The following DPP10 variants were observed in gnomAD, a reference collection of about 807,000 sequenced individuals.
DPP10 encodes dipeptidyl peptidase like 10.
A neutral mutation model predicts 120.9 loss-of-function variants in DPP10; 33 were observed. The observed-to-expected ratio is 0.27, with a 90% CI of 0.21 to 0.37. The LOEUF (loss-of-function observed/expected upper bound fraction) is 0.37, where lower values mean the gene tolerates loss of function less well. Ranked by LOEUF, DPP10 falls within the 10% of genes least tolerant of loss-of-function variation. The pLI is 1.00. For missense variants in DPP10, 816 were observed against 942.8 expected (o/e 0.87, Z 1.76); for synonymous variants, 337 against 326.1 (o/e 1.03, Z -0.36).
intron 1 of DPP10, among the ~76,000 whole-genome samples, chr2:114,671,667 C>T (rs1192446822): frequency 6.6e-6 from 1 of 152,110 alleles, no homozygotes; most frequent in Non-Finnish European, 1.5e-5. Context: ...GAATTACTAT[C>T]TCTGTATCTT....
rs558353376 is a variant in DPP10, at chr2:115,424,903, T to G, written c.272-74607T>G. ...TGATTAATCGTCTGTAGAAAGGGAT[T>G]GTGTTGAGTCTGCACTAATGGGTAC... On this transcript the variant is annotated intron_variant, in intron 3 of 25. Transcript: ENST00000410059. 5.9e-5 allele frequency among the ~76,000 whole-genome samples: 9 copies of G among 152,326 alleles called. No homozygotes were observed. In the East Asian group the frequency reaches 1.5e-3, roughly 26 times the overall value.
At chr2:114,733,622 A>G (rs1182535175) in intron 1 of DPP10, among the ~76,000 whole-genome samples, 5 of 152,166 alleles carry the variant, frequency 3.3e-5, no homozygotes, top group Non-Finnish European at 5.9e-5. Context: ...ACAGATAGAG[A>G]GGAGAAAAGT....
At position 115,309,734 on chromosome 2, in the gene DPP10, A is replaced by G. The variant is rs548581037; in HGVS notation, c.175+381A>G. 9.9e-5 allele frequency among the ~76,000 whole-genome samples: 15 copies of G among 152,196 alleles called. No homozygotes were observed. The East Asian group carries it at 1.2e-3, about 12-fold the overall frequency. ...TATATATAGATGATAACCCAACTGT[A>G]TGGAAATGGAAAGACAGGATTTGAT... On this transcript the variant is annotated intron_variant, in intron 2 of 25. Transcript: ENST00000410059.
At chr2:115,332,457 C>T (rs374691013) in intron 2 of DPP10, among the ~76,000 whole-genome samples, 6 of 151,966 alleles carry the variant, frequency 3.9e-5, no homozygotes, top group East Asian at 3.9e-4. Flanking sequence ...TATTTCTTGC[C>T]GTCTGCTAGC....
intron 1 of DPP10, among the ~76,000 whole-genome samples, chr2:114,663,668 T>TATATATATATATAGAGAGAGAGAGAGAG: frequency 1.5e-4 from 12 of 80,708 alleles, no homozygotes; most frequent in African/African-American, 1.1e-3. Context: ...TATATATATA[T>TATATATATATATAGAGAGAGAGAGAGAG]AGAGAGAGAG....
intron 1 of DPP10, among the ~76,000 whole-genome samples, chr2:114,870,355 A>C (rs1261120290): frequency 6.6e-6 from 1 of 152,214 alleles, no homozygotes; most frequent in East Asian, 1.9e-4. Context: ...ACCTGGAGGA[A>C]ATATTCAATG....
At position 114,490,576 on chromosome 2, in the gene DPP10, C is replaced by G. The variant is rs566242957; in HGVS notation, c.60+47738C>G. On this transcript the variant is annotated intron_variant, in intron 1 of 25. Coordinates refer to ENST00000410059, the MANE Select transcript of DPP10 (RefSeq NM_020868.6). ...GCCACCGGTGTAGACTGGAGGCAGC[C>G]GAGAAAGACTTTGTGGAGGAGGCAA... Among the ~76,000 whole-genome samples, 195 of 151,978 alleles carry G rather than the reference C, an allele frequency of 1.3e-3. 1 individual carries two copies. The highest frequency in any genetic ancestry group is 2.2e-3 in the Non-Finnish European group (147 of 67,968).
At chr2:114,799,050 A>G (rs140181631) in intron 1 of DPP10, among the ~76,000 whole-genome samples, 7 of 152,218 alleles carry the variant, frequency 4.6e-5, no homozygotes, top group African/African-American at 7.2e-5. Flanking sequence ...AATCGCTTGA[A>G]CCTGAGAGGC....
intron 3 of DPP10, among the ~76,000 whole-genome samples, chr2:115,486,293 C>G (rs1286235281): frequency 3.3e-5 from 5 of 152,232 alleles, no homozygotes; most frequent in Admixed American, 1.3e-4. Context: ...TCTGTCCATT[C>G]AACTGAAATG....
intron 3 of DPP10, among the ~76,000 whole-genome samples, chr2:115,440,517 C>T (rs1232530570): frequency 1.3e-5 from 2 of 152,156 alleles, no homozygotes; most frequent in Non-Finnish European, 2.9e-5. Context: ...GAGAACGCCA[C>T]ACTATGAGAT....
At chr2:114,942,304 TA>T (rs1408046950) in intron 1 of DPP10, among the ~76,000 whole-genome samples, 1 of 121,682 alleles carries the variant, frequency 8.2e-6, no homozygotes, top group African/African-American at 3.2e-5. Flanking sequence ...TATACATATA[TA>T]TATATATATA....
intron 1 of DPP10, among the ~76,000 whole-genome samples, chr2:114,683,551 T>TCC (rs1559000051): frequency 7.1e-5 from 10 of 140,452 alleles, no homozygotes; most frequent in African/African-American, 2.7e-4. Flanking sequence ...TTCCTCCCTC[T>TCC]CTCTCTCCCT....
chr2:115,133,859 A>C (rs982838480), intron 1 of DPP10, among the ~76,000 whole-genome samples: 4 of 152,190 alleles, frequency 2.6e-5, no homozygotes, highest in Admixed American at 2.6e-4. Flanking sequence ...GATACCTAGC[A>C]CTGTGTTCTA....
intron 1 of DPP10, among the ~76,000 whole-genome samples, chr2:115,130,540 CCATT>C (rs1438451434): frequency 4.0e-5 from 6 of 149,176 alleles, no homozygotes; most frequent in Non-Finnish European, 2.9e-5. Flanking sequence ...ATCCATCCAT[CCATT>C]CATCTTCAGC....
chr2:115,807,291 CT>C (rs1362527688), intron 19 of DPP10, among the ~76,000 whole-genome samples: 1 of 152,108 alleles, frequency 6.6e-6, no homozygotes, highest in Non-Finnish European at 1.5e-5. Context: ...CCCTGAGGTC[CT>C]TTTCTATTGG....
At chr2:114,815,897 T>C (rs74817671) in intron 1 of DPP10, among the ~76,000 whole-genome samples, 4 of 138,086 alleles carry the variant, frequency 2.9e-5, no homozygotes, top group African/African-American at 1.1e-4. Flanking sequence ...TTTTTTTTTT[T>C]CCACTTCTAA....
At chr2:114,485,829 A>T (rs1211397942) in intron 1 of DPP10, among the ~76,000 whole-genome samples, 1 of 152,070 alleles carries the variant, frequency 6.6e-6, no homozygotes, top group Non-Finnish European at 1.5e-5. Context: ...ACCCACAATT[A>T]TCTGAACTTC....
intron 3 of DPP10, among the ~76,000 whole-genome samples, chr2:115,431,497 G>A (rs1451103688): frequency 6.6e-6 from 1 of 152,150 alleles, no homozygotes; most frequent in Non-Finnish European, 1.5e-5. Flanking sequence ...CTGCAGTGGT[G>A]TAGAGATAGC....
At chr2:115,507,273 T>G (rs2076998526) in intron 4 of DPP10, among the ~76,000 whole-genome samples, 1 of 152,192 alleles carries the variant, frequency 6.6e-6, no homozygotes, top group Non-Finnish European at 1.5e-5. Flanking sequence ...TTTATTAATT[T>G]ATTTGCCAAG....
Sources: allele counts gnomAD v4.1 joint callset (sites outside exome capture counted in the v4.1 genomes callset), GRCh38; gene constraint gnomAD v4.1.1; transcripts MANE v1.5; gene names NCBI Gene and HGNC (gene_info 2026-07-23, HGNC 2026-07-21).